The following LOC400499 variants were observed in gnomAD, a reference collection of about 807,000 sequenced individuals.
At chr16:11,503,989 A>G in the LOC400499 span, among the ~76,000 whole-genome samples, 1 of 152,120 alleles carries the variant, frequency 6.6e-6, no homozygotes, top group Non-Finnish European at 1.5e-5. Flanking sequence ...GCCTTTCCCC[A>G]GCTGCCCTTG....
the LOC400499 span, among the ~76,000 whole-genome samples, chr16:11,517,914 C>T: frequency 6.6e-6 from 1 of 152,198 alleles, no homozygotes; most frequent in Non-Finnish European, 1.5e-5. Flanking sequence ...AGACAAAACC[C>T]TGGGGAACAG....
At chr16:11,501,829 G>T in the LOC400499 span, among the ~76,000 whole-genome samples, 3 of 152,050 alleles carry the variant, frequency 2.0e-5, no homozygotes, top group Non-Finnish European at 2.9e-5. Flanking sequence ...GTCTTTATCC[G>T]CCAGGCCCTT....
the LOC400499 span, among the ~76,000 whole-genome samples, chr16:11,461,576 T>G: frequency 6.6e-6 from 1 of 152,174 alleles, no homozygotes; most frequent in East Asian, 1.9e-4. Flanking sequence ...AAAGAAAGAA[T>G]AGCCCATCAT....
At chr16:11,516,397 T>C in the LOC400499 span, 5 of 398,070 alleles carry the variant, frequency 1.3e-5, no homozygotes, top group East Asian at 1.8e-4. Flanking sequence ...CCTGCCTTCC[T>C]ACAGGCCAGC....
chr16:11,506,177 C>T, the LOC400499 span, among the ~76,000 whole-genome samples: 2 of 152,226 alleles, frequency 1.3e-5, no homozygotes, highest in African/African-American at 4.8e-5. Flanking sequence ...GCTAGGATTA[C>T]AGGCTCCTGT....
the LOC400499 span, among the ~76,000 whole-genome samples, chr16:11,500,641 C>T: frequency 6.6e-6 from 1 of 152,064 alleles, no homozygotes; most frequent in Non-Finnish European, 1.5e-5. Context: ...CCAAAGGTTG[C>T]CTTGAACCCG....
the LOC400499 span, chr16:11,372,638 C>T: frequency 3.3e-6 from 2 of 600,200 alleles, no homozygotes; most frequent in Non-Finnish European, 2.1e-6. Flanking sequence ...TTATTCTGTC[C>T]CAGCCATGAA....
At chr16:11,405,095 C>A in the LOC400499 span, among the ~76,000 whole-genome samples, 4 of 152,188 alleles carry the variant, frequency 2.6e-5, no homozygotes, top group Non-Finnish European at 5.9e-5. Context: ...GGAGACAGCA[C>A]AGAACAGCCA....
At chr16:11,473,760 A>C in the LOC400499 span, among the ~76,000 whole-genome samples, 63 of 151,992 alleles carry the variant, frequency 4.1e-4, no homozygotes, top group Non-Finnish European at 2.9e-5. Flanking sequence ...TGTCTCAAAA[A>C]AAAAAAAAAG....
At chr16:11,449,577 G>C in the LOC400499 span, among the ~76,000 whole-genome samples, 1 of 152,180 alleles carries the variant, frequency 6.6e-6, no homozygotes. Context: ...CCATGGGATG[G>C]TTCCCTGTTG....
chr16:11,462,845 T>G, the LOC400499 span, among the ~76,000 whole-genome samples: 8 of 152,340 alleles, frequency 5.3e-5, no homozygotes, highest in East Asian at 7.7e-4. Context: ...CATCAGGAAC[T>G]TGAGTCAACT....
At chr16:11,434,559 A>T in the LOC400499 span, among the ~76,000 whole-genome samples, 1 of 152,214 alleles carries the variant, frequency 6.6e-6, no homozygotes, top group Admixed American at 6.5e-5. Flanking sequence ...GAACTGCTTG[A>T]TGGGGAAAAA....
At chr16:11,483,084 G>T in the LOC400499 span, among the ~76,000 whole-genome samples, 1 of 152,110 alleles carries the variant, frequency 6.6e-6, no homozygotes, top group African/African-American at 2.4e-5. Flanking sequence ...TTAGTCATTA[G>T]GGAAATGCAA....
chr16:11,524,367 C>CCCGCTGTT, the LOC400499 span, among the ~76,000 whole-genome samples: 1 of 121,826 alleles, frequency 8.2e-6, no homozygotes, highest in African/African-American at 3.7e-5. Flanking sequence ...CCCAGCCACC[C>CCCGCTGTT]ACCCTCTCCT....
chr16:11,464,901 G>C, the LOC400499 span, among the ~76,000 whole-genome samples: 66,940 of 152,146 alleles, frequency 0.44, 15,338 homozygotes, highest in Non-Finnish European at 0.5. Context: ...TTCTGAAAAT[G>C]AGGCATAAGT....
chr16:11,441,008 C>T, the LOC400499 span: 5 of 398,980 alleles, frequency 1.3e-5, no homozygotes, highest in Non-Finnish European at 2.2e-5. Flanking sequence ...TGTCATGATG[C>T]AAACCCTTCA....
the LOC400499 span, among the ~76,000 whole-genome samples, chr16:11,419,457 G>T: frequency 0.088 from 13,318 of 150,880 alleles, 580 homozygotes; most frequent in Middle Eastern, 0.19. Context: ...ATTCAAGATG[G>T]ATTAAAGACT....
At chr16:11,425,841 T>G in the LOC400499 span, among the ~76,000 whole-genome samples, 1 of 152,216 alleles carries the variant, frequency 6.6e-6, no homozygotes, top group Admixed American at 6.5e-5. Flanking sequence ...GATACTCGAC[T>G]TGGTTTATGA....
the LOC400499 span, among the ~76,000 whole-genome samples, chr16:11,526,408 G>C: frequency 6.6e-5 from 10 of 152,206 alleles, no homozygotes; most frequent in African/African-American, 2.2e-4. Context: ...TTTAAAGAAA[G>C]AAAACTTTCA....
Sources: allele counts gnomAD v4.1 joint callset (sites outside exome capture counted in the v4.1 genomes callset), GRCh38; gene constraint gnomAD v4.1.1; transcripts MANE v1.5.